Variants in DENND1A observed in about 807,000 individuals in gnomAD.
DENND1A encodes DENN domain containing 1A.
In DENND1A, 51 loss-of-function variants were observed where a neutral mutation model predicts 113.7. That is an observed-to-expected ratio of 0.45 (90% CI 0.36 to 0.57). DENND1A has a LOEUF of 0.57. Among genes scored for constraint, DENND1A ranks in the 20% least tolerant of loss-of-function variants. DENND1A has a pLI of 0.00. For missense variants in DENND1A, 1,258 were observed against 1,395.9 expected, an observed-to-expected ratio of 0.90 and a Z score of 1.57; for synonymous variants, 565 against 570.8, an observed-to-expected ratio of 0.99 and a Z score of 0.14.
At chr9:123,522,077 T>A (rs1588966243) in intron 13 of DENND1A, among the ~76,000 whole-genome samples, 2 of 152,196 alleles carry the variant, frequency 1.3e-5, no homozygotes, top group South Asian at 4.1e-4. Context: ...ACAGGAATGG[T>A]ATGGTTGGCT....
intron 9 of DENND1A, among the ~76,000 whole-genome samples, chr9:123,639,806 A>C (rs2061933359): frequency 6.6e-6 from 1 of 151,934 alleles, no homozygotes; most frequent in African/African-American, 2.4e-5. Context: ...AACAAAAACA[A>C]AAAACAGCCA....
intron 5 of DENND1A, among the ~76,000 whole-genome samples, chr9:123,728,766 C>T (rs1255495311): frequency 2.0e-5 from 3 of 151,952 alleles, no homozygotes; most frequent in South Asian, 2.1e-4. Flanking sequence ...TACATAGATG[C>T]TACATCAGCA....
Position 123,875,862 on chromosome 9 carries a change from A to T in DENND1A, c.88+3089T>A, listed in dbSNP as rs577851684. ...TGCCCTGTGGAAAGGGCACTGGTAG[A>T]GGAGGGACAAAGCAGATCCTTCTAA... is the stretch of plus-strand genomic sequence containing the variant. On this transcript the variant is annotated intron_variant, in intron 2 of 23. Coordinates refer to ENST00000394215, the MANE Select transcript of DENND1A (RefSeq NM_001352964.2). Among the ~76,000 whole-genome samples the T allele has an allele frequency of 3.9e-5, 6 of 152,296 alleles. No individual in the cohort carries two copies. In the East Asian group the frequency reaches 5.8e-4, roughly 15 times the overall value.
At chr9:123,406,927 A>G (rs546953590) in intron 20 of DENND1A, among the ~76,000 whole-genome samples, 1 of 152,312 alleles carries the variant, frequency 6.6e-6, no homozygotes. Context: ...AGGCGGGTTA[A>G]GAATGTGAAC....
chr9:123,423,219 G>C (rs1024065902), intron 19 of DENND1A, among the ~76,000 whole-genome samples: 3 of 152,122 alleles, frequency 2.0e-5, no homozygotes, highest in Non-Finnish European at 2.9e-5. Context: ...CTGCCTTCAG[G>C]GTGAATGGCT....
chr9:123,469,545 G>A (rs1342496564), intron 13 of DENND1A, among the ~76,000 whole-genome samples: 1 of 152,248 alleles, frequency 6.6e-6, no homozygotes, highest in South Asian at 2.1e-4. Context: ...GAGAAGTCAG[G>A]AAATTCTGAT....
chr9:123,912,621 C>T (rs1001605793), intron 1 of DENND1A, among the ~76,000 whole-genome samples: 4 of 152,076 alleles, frequency 2.6e-5, no homozygotes, highest in Non-Finnish European at 4.4e-5. Flanking sequence ...AGCCCACCCC[C>T]GCCAGAGTAG....
At chr9:123,545,056 C>T (rs998743900) in intron 13 of DENND1A, among the ~76,000 whole-genome samples, 2 of 151,826 alleles carry the variant, frequency 1.3e-5, no homozygotes, top group African/African-American at 4.8e-5. Context: ...TGAGATCGCG[C>T]CACTGTACTC....
intron 13 of DENND1A, among the ~76,000 whole-genome samples, chr9:123,490,154 C>T (rs188763699): frequency 2.6e-5 from 4 of 152,238 alleles, no homozygotes; most frequent in Admixed American, 2.6e-4. Flanking sequence ...GTACAAGGTG[C>T]AAAGTTTTAT....
chr9:123,819,064 G>T (rs558824924), intron 2 of DENND1A, among the ~76,000 whole-genome samples: 1 of 152,086 alleles, frequency 6.6e-6, no homozygotes, highest in Admixed American at 6.5e-5. Context: ...CTGGGCATGG[G>T]GTCCAGGAAG....
chr9:123,414,116 C>T, intron 19 of DENND1A: 1 of 996,742 alleles, frequency 1.0e-6, no homozygotes, highest in African/African-American at 1.7e-5. Context: ...AGGGGTCAGA[C>T]AGTTTTGGAG....
chr9:123,702,532 G>A (rs984846312), intron 5 of DENND1A, among the ~76,000 whole-genome samples: 1 of 152,048 alleles, frequency 6.6e-6, no homozygotes, highest in African/African-American at 2.4e-5. Context: ...AAAGATCAAA[G>A]ACAAAGAGAA....
intron 2 of DENND1A, among the ~76,000 whole-genome samples, chr9:123,833,106 T>C (rs983581293): frequency 3.4e-5 from 4 of 116,100 alleles, no homozygotes; most frequent in Non-Finnish European, 6.4e-5. Context: ...GTCTGAACGA[T>C]GGTGAGACCT....
At chr9:123,506,872 C>T (rs1328390096) in intron 13 of DENND1A, among the ~76,000 whole-genome samples, 1 of 152,086 alleles carries the variant, frequency 6.6e-6, no homozygotes, top group African/African-American at 2.4e-5. Context: ...CCAGAGATGG[C>T]TCAAAATTTC....
At chr9:123,435,142 C>A (rs1456187308) in intron 19 of DENND1A, among the ~76,000 whole-genome samples, 1 of 152,030 alleles carries the variant, frequency 6.6e-6, no homozygotes, top group Non-Finnish European at 1.5e-5. Flanking sequence ...ATCCTGAGAA[C>A]ATGGGAGCAC....
chr9:123,833,740 AT>A (rs79414005), intron 2 of DENND1A, among the ~76,000 whole-genome samples: 11,051 of 152,230 alleles, frequency 0.073, 798 homozygotes, highest in African/African-American at 0.19. Context: ...GATCTTTTGT[AT>A]TGATAACTCA....
intron 20 of DENND1A, among the ~76,000 whole-genome samples, chr9:123,404,330 G>A (rs920127709): frequency 1.3e-5 from 2 of 152,210 alleles, no homozygotes; most frequent in Admixed American, 6.5e-5. Context: ...TGGTCCAGTC[G>A]ACATTACATG....
intron 21 of DENND1A, chr9:123,401,584 C>T (rs1308636609): frequency 1.4e-6 from 2 of 1,400,126 alleles, no homozygotes; most frequent in Non-Finnish European, 1.9e-6. Flanking sequence ...AACCACCAAA[C>T]TGGCTCCCAT....
chr9:123,492,105 G>C (rs1005171202), intron 13 of DENND1A: 1 of 152,410 alleles, frequency 6.6e-6, no homozygotes, highest in East Asian at 1.9e-4. Context: ...TGTTCACAGG[G>C]TTAACTGTGA....
Sources: gnomAD v4.1 joint callset for allele counts (sites outside exome capture counted in the v4.1 genomes callset) on GRCh38, gnomAD v4.1.1 for gene constraint, MANE v1.5 for transcripts, NCBI Gene and HGNC (gene_info 2026-07-23, HGNC 2026-07-21) for gene names.